The following FBP2 variants were observed in gnomAD, a reference collection of about 807,000 sequenced individuals.
FBP2 encodes the protein fructose-1,6-bisphosphatase isozyme 2.
FBP2 carries 27 observed loss-of-function variants against 31.6 expected under a neutral mutation model. That is an observed-to-expected ratio of 0.85 (90% CI 0.63 to 1.18). The LOEUF (loss-of-function observed/expected upper bound fraction) is 1.18, where lower values mean the gene tolerates loss of function less well. Ranked by LOEUF, FBP2 falls within the 50% of genes most tolerant of loss-of-function variation. FBP2 has a pLI of 0.00. For synonymous variants in FBP2, 168 were observed against 179.8 expected (o/e 0.93, Z 0.53); for missense variants, 421 against 436.1 (o/e 0.97, Z 0.31).
chr9:94,587,574 G>A, intron 1 of FBP2, 105 bp from the exon 2 acceptor site: 1 of 946,202 alleles, frequency 1.1e-6, no homozygotes, highest in Non-Finnish European at 1.7e-6. Context: ...CTCGTTCTGT[G>A]TCTCTGGAGT....
intron 4 of FBP2, chr9:94,568,160 T>A (rs901691135): frequency 1.3e-5 from 2 of 152,078 alleles, no homozygotes; most frequent in African/African-American, 4.8e-5. Flanking sequence ...ACAGTTATTT[T>A]GTTTATGTTA....
chr9:94,576,853 T>C (rs961641911), intron 3 of FBP2: 2 of 152,212 alleles, frequency 1.3e-5, no homozygotes, highest in African/African-American at 4.8e-5. Flanking sequence ...TTTGTATTTG[T>C]GGCACCCTTG....
At chr9:94,564,022 AC>A (rs761519858) in intron 5 of FBP2, among the ~76,000 whole-genome samples, 2 of 151,950 alleles carry the variant, frequency 1.3e-5, no homozygotes, top group Non-Finnish European at 2.9e-5. Flanking sequence ...AGACTTAGAC[AC>A]CCCCCCACAA....
chr9:94,570,214 A>G (rs1438066678), intron 4 of FBP2: 1 of 152,200 alleles, frequency 6.6e-6, no homozygotes, highest in African/African-American at 2.4e-5. Context: ...CCCTGAGTCA[A>G]AGCATCTCCC....
chr9:94,565,365 C>A (rs1344887280), intron 5 of FBP2, among the ~76,000 whole-genome samples: 1 of 42,558 alleles, frequency 2.3e-5, no homozygotes. Flanking sequence ...CAAGACTCCA[C>A]CTCAAAAAAA....
intron 4 of FBP2, 110 bp from the exon 5 acceptor site, chr9:94,567,517 G>T: frequency 7.4e-7 from 1 of 1,348,916 alleles, no homozygotes. Context: ...GGCAGAGCTG[G>T]GGCTTGGCTG....
Position 94,579,069 on chromosome 9 carries a change from AGG to A in FBP2, c.426+5506_426+5507del, listed in dbSNP as rs1251517923. On this transcript the variant is annotated intron_variant, in intron 3 of 6. Coordinates refer to ENST00000375337, the MANE Select transcript of FBP2 (RefSeq NM_003837.4). The stretch of plus-strand genomic sequence containing the variant: ...CTCTGTCAAAAAAAAAAAAAAAAAA[AGG>A]TTATTTTAAAAGAGAGAATAATTTT... 5.2e-4 allele frequency among the ~76,000 whole-genome samples: 71 copies of A among 137,790 alleles called. 1 individual carries two copies. The highest frequency in any genetic ancestry group is 8.0e-4 in the African/African-American group (29 of 36,458). 90.4% of individuals were successfully genotyped at this position (137,790 alleles called of 152,430 possible). A position where few individuals can be genotyped will look rare whatever the true frequency, so the allele number is the denominator to read the frequency against.
chr9:94,587,586 T>TC, intron 1 of FBP2, 117 bp from the exon 2 acceptor site: 3 of 880,266 alleles, frequency 3.4e-6, no homozygotes, highest in Non-Finnish European at 5.5e-6. Flanking sequence ...CTCTGGAGTC[T>TC]CCAAGTCACA....
Position 94,558,897 on chromosome 9 carries a change from G to A in FBP2, c.*41C>T. 3 of 1,583,934 alleles carry A rather than the reference G, an allele frequency of 1.9e-6. No individual in the cohort carries two copies. Among genetic ancestry groups the A allele is most frequent in the Non-Finnish European group, 2.6e-6 (3 of 1,152,912 alleles). On this transcript the variant is annotated 3_prime_UTR_variant, in exon 7 of 7. Coordinates refer to ENST00000375337, the MANE Select transcript of FBP2 (RefSeq NM_003837.4). Reference sequence around the variant, plus strand: ...TCGTTCATTTAGGGTCCTTAGACAAGGTGCAAGACAAACAGAAGAGGGCAT... The same window carrying A: ...TCGTTCATTTAGGGTCCTTAGACAAAGTGCAAGACAAACAGAAGAGGGCAT...
At chr9:94,562,924 A>T (rs371397074) in intron 6 of FBP2, among the ~76,000 whole-genome samples, 23 of 152,308 alleles carry the variant, frequency 1.5e-4, no homozygotes, top group Middle Eastern at 3.4e-3. Flanking sequence ...CTCAACGTGT[A>T]ATTTGTATGT....
chr9:94,580,404 A>T (rs976657394), intron 3 of FBP2, among the ~76,000 whole-genome samples: 1 of 152,080 alleles, frequency 6.6e-6, no homozygotes, highest in Non-Finnish European at 1.5e-5. Flanking sequence ...TTTAGCAGAG[A>T]CAGTGTTTAG....
chr9:94,561,858 G>T (rs1827109841), intron 6 of FBP2, among the ~76,000 whole-genome samples: 1 of 152,172 alleles, frequency 6.6e-6, no homozygotes. Context: ...CGCAGCAAAC[G>T]CAGATCTATC....
Position 94,571,455 on chromosome 9 carries a change from T to A in FBP2, c.567+7A>T, listed in dbSNP as rs747653168. On this transcript the variant is annotated splice_region_variant and intron_variant, in intron 4 of 6. Coordinates refer to ENST00000375337, the MANE Select transcript of FBP2 (RefSeq NM_003837.4). ...CAGGCACAGATGATGCCATATTCTG[T>A]ACCTACCGGGTCAAGCATGAAGAGG... The A allele has an allele frequency of 1.1e-5, 17 of 1,607,926 alleles. No individual in the cohort carries two copies. Among genetic ancestry groups the A allele is most frequent in the Middle Eastern group, 1.8e-4 (1 of 5,446 alleles).
chr9:94,593,451 G>T, intron 1 of FBP2, 106 bp downstream of exon 1: 2 of 1,041,660 alleles, frequency 1.9e-6, no homozygotes, highest in Non-Finnish European at 1.3e-6. Context: ...GGGCACACAG[G>T]GCCAATAAGC....
chr9:94,560,765 GTTA>G (rs1051971648), intron 6 of FBP2, among the ~76,000 whole-genome samples: 186 of 147,046 alleles, frequency 1.3e-3, no homozygotes, highest in Non-Finnish European at 2.3e-3. Context: ...TTTATATAAT[GTTA>G]TTATATATTT....
rs143323617 is a variant in FBP2 at position 94,587,255 on chromosome 9, G to A, written c.333+52C>T. 242 of 1,502,430 alleles carry A rather than the reference G, an allele frequency of 1.6e-4. No homozygotes were observed. The African/African-American group carries it at 2.4e-3, about 15-fold the overall frequency. 93.1% of individuals were successfully genotyped at this position (1,502,430 alleles called of 1,614,324 possible). On this transcript the variant is annotated intron_variant, in intron 2 of 6. Coordinates refer to ENST00000375337, the MANE Select transcript of FBP2 (RefSeq NM_003837.4). The stretch of plus-strand genomic sequence containing the variant: ...AAGAAAAGTAAGGCAGCTTATTTCC[G>A]GCTCAGTATCATCATCTACTGGCGA...
At chr9:94,567,187 G>C in intron 5 of FBP2, 83 bp downstream of exon 5, 16 of 1,442,478 alleles carry the variant, frequency 1.1e-5, no homozygotes, top group Non-Finnish European at 1.5e-5. Flanking sequence ...ACCTCTTTCA[G>C]CAAAGCCCCT....
At chr9:94,566,420 C>G (rs1012822782) in intron 5 of FBP2, among the ~76,000 whole-genome samples, 1 of 152,402 alleles carries the variant, frequency 6.6e-6, no homozygotes, top group South Asian at 2.1e-4. Flanking sequence ...TAAGGACATG[C>G]TCCTGCTGCA....
chr9:94,559,257 G>A (rs1827057908), intron 6 of FBP2, 125 bp from the exon 7 acceptor site: 1 of 771,762 alleles, frequency 1.3e-6, no homozygotes, highest in Admixed American at 2.8e-5. Flanking sequence ...AGCGCACCAT[G>A]CACCTTGCAA....
Sources: gnomAD v4.1 joint callset for allele counts (sites outside exome capture counted in the v4.1 genomes callset) on GRCh38, gnomAD v4.1.1 for gene constraint, MANE v1.5 for transcripts, NCBI Gene and HGNC (gene_info 2026-07-23, HGNC 2026-07-21) for gene names.